The following ADGRB3 variants were observed in gnomAD, a reference collection of about 807,000 sequenced individuals.
ADGRB3 encodes brain-specific angiogenesis inhibitor 3.
A neutral mutation model predicts 193.4 loss-of-function variants in ADGRB3; 37 were observed. That is an observed-to-expected ratio of 0.19 (90% CI 0.15 to 0.25). The LOEUF is 0.25. ADGRB3 is among the 10% of genes least tolerant of loss of function. ADGRB3 has a pLI of 1.00. For missense variants in ADGRB3, 1,637 were observed against 1,852.9 expected, an observed-to-expected ratio of 0.88 and a Z score of 2.14; for synonymous variants, 690 against 644.2, an observed-to-expected ratio of 1.07 and a Z score of -1.08.
intron 13 of ADGRB3, among the ~76,000 whole-genome samples, chr6:69,032,413 A>G (rs1325215269): frequency 1.3e-5 from 2 of 152,228 alleles, no homozygotes; most frequent in Non-Finnish European, 1.5e-5. Context: ...TTTGCTCTAC[A>G]AATGAACTAG....
chr6:69,187,023 A>C (rs1343025066), intron 17 of ADGRB3, among the ~76,000 whole-genome samples: 1 of 151,700 alleles, frequency 6.6e-6, no homozygotes, highest in Non-Finnish European at 1.5e-5. Flanking sequence ...AATAATTGGA[A>C]TGGTAAACAT....
intron 17 of ADGRB3, among the ~76,000 whole-genome samples, chr6:69,101,971 C>A (rs576771929): frequency 6.6e-6 from 1 of 151,998 alleles, no homozygotes; most frequent in East Asian, 1.9e-4. Context: ...GGGCGGATCA[C>A]GAGGTCAGGA....
chr6:68,802,830 T>C (rs1332254201), intron 3 of ADGRB3, among the ~76,000 whole-genome samples: 1 of 152,200 alleles, frequency 6.6e-6, no homozygotes, highest in Admixed American at 6.5e-5. Flanking sequence ...TTTTGTATTT[T>C]TGCCAGTTGT....
intron 17 of ADGRB3, among the ~76,000 whole-genome samples, chr6:69,194,707 C>T (rs1007156676): frequency 2.6e-5 from 4 of 151,968 alleles, no homozygotes; most frequent in African/African-American, 4.8e-5. Flanking sequence ...TATAAACAAA[C>T]GTATTATTAT....
chr6:69,374,533 G>T (rs1305311311), intron 30 of ADGRB3, among the ~76,000 whole-genome samples: 2 of 151,968 alleles, frequency 1.3e-5, no homozygotes, highest in South Asian at 4.1e-4. Context: ...ACTCCCCAGA[G>T]TCCACACACT....
At chr6:68,717,926 T>C (rs1765513965) in intron 3 of ADGRB3, among the ~76,000 whole-genome samples, 1 of 151,672 alleles carries the variant, frequency 6.6e-6, no homozygotes, top group Non-Finnish European at 1.5e-5. Flanking sequence ...GGATAAAATC[T>C]CAATGTTGAA....
intron 3 of ADGRB3, among the ~76,000 whole-genome samples, chr6:68,816,107 T>A (rs1253322921): frequency 2.6e-5 from 4 of 152,038 alleles, no homozygotes; most frequent in African/African-American, 9.7e-5. Flanking sequence ...TAAAAATTAG[T>A]TGATATTATA....
intron 17 of ADGRB3, among the ~76,000 whole-genome samples, chr6:69,093,653 G>A (rs1420227574): frequency 6.6e-6 from 1 of 151,568 alleles, no homozygotes; most frequent in Non-Finnish European, 1.5e-5. Context: ...TCTAGGGAGT[G>A]GGGTGGGCAG....
At chr6:68,953,984 T>C (rs2150255682) in intron 6 of ADGRB3, among the ~76,000 whole-genome samples, 1 of 152,230 alleles carries the variant, frequency 6.6e-6, no homozygotes, top group Admixed American at 6.5e-5. Flanking sequence ...GATGCATTTA[T>C]AACCTTTACA....
At chr6:69,279,364 G>C (rs1442969000) in intron 20 of ADGRB3, among the ~76,000 whole-genome samples, 1 of 151,578 alleles carries the variant, frequency 6.6e-6, no homozygotes, top group Non-Finnish European at 1.5e-5. Flanking sequence ...CACTCTTGTT[G>C]CCCAGAATGG....
intron 3 of ADGRB3, among the ~76,000 whole-genome samples, chr6:68,850,772 G>A (rs1158906286): frequency 1.3e-5 from 2 of 151,798 alleles, no homozygotes; most frequent in African/African-American, 4.8e-5. Flanking sequence ...CAATGAAGCA[G>A]CATTCATTAT....
intron 3 of ADGRB3, among the ~76,000 whole-genome samples, chr6:68,823,392 G>A (rs1409201145): frequency 6.6e-6 from 1 of 151,922 alleles, no homozygotes; most frequent in East Asian, 1.9e-4. Flanking sequence ...TAGATGGTAA[G>A]TAGATACATA....
chr6:68,810,780 G>A (rs185761850), intron 3 of ADGRB3, among the ~76,000 whole-genome samples: 1 of 152,142 alleles, frequency 6.6e-6, no homozygotes, highest in Admixed American at 6.5e-5. Flanking sequence ...CATGTTTGGG[G>A]TAGAAAGAAA....
In ADGRB3 at chr6:69,340,495, A is replaced by G. The variant is rs1038317293; in HGVS notation, c.3459+991A>G. Among the ~76,000 whole-genome samples the G allele has an allele frequency of 2.0e-5, 3 of 152,186 alleles. No homozygotes were observed. The South Asian group carries it at 6.2e-4, about 32-fold the overall frequency. On this transcript the variant is annotated intron_variant, in intron 26 of 31. Coordinates refer to ENST00000370598, the MANE Select transcript of ADGRB3 (RefSeq NM_001704.3). ...TTGAGAACTTTATTGCAATGTGCAC[A>G]TTGCAAAAAAACACATGTACGTATG... is the stretch of plus-strand genomic sequence containing the variant.
intron 3 of ADGRB3, among the ~76,000 whole-genome samples, chr6:68,842,078 A>G (rs1168889378): frequency 6.6e-6 from 1 of 152,072 alleles, no homozygotes; most frequent in Non-Finnish European, 1.5e-5. Flanking sequence ...CCTATTTACC[A>G]TGATGTAATT....
At chr6:69,096,595 T>C (rs1304314159) in intron 17 of ADGRB3, among the ~76,000 whole-genome samples, 1 of 152,202 alleles carries the variant, frequency 6.6e-6, no homozygotes, top group African/African-American at 2.4e-5. Flanking sequence ...GTGTTTTTCC[T>C]GACCCCCAAG....
chr6:69,075,800 G>A (rs1274632488), intron 16 of ADGRB3, among the ~76,000 whole-genome samples, 195 bp from the exon 17 acceptor site: 1 of 151,974 alleles, frequency 6.6e-6, no homozygotes, highest in African/African-American at 2.4e-5. Flanking sequence ...TGTTTTCATA[G>A]AACTTTATAA....
intron 3 of ADGRB3, among the ~76,000 whole-genome samples, chr6:68,888,682 T>A (rs961725467): frequency 2.0e-5 from 3 of 152,082 alleles, no homozygotes; most frequent in African/African-American, 7.2e-5. Context: ...ATAAAAATTA[T>A]GGCACAATAA....
chr6:68,794,377 G>C (rs1281282392), intron 3 of ADGRB3, among the ~76,000 whole-genome samples: 1 of 151,736 alleles, frequency 6.6e-6, no homozygotes, highest in Non-Finnish European at 1.5e-5. Flanking sequence ...TCTAAATGCA[G>C]AAAAATAAAA....
Sources: allele counts gnomAD v4.1 joint callset (sites outside exome capture counted in the v4.1 genomes callset), GRCh38; gene constraint gnomAD v4.1.1; transcripts MANE v1.5; gene names NCBI Gene and HGNC (gene_info 2026-07-23, HGNC 2026-07-21).